NAA25: variants seen among roughly 807,000 people sequenced by gnomAD.
NAA25 encodes the protein N-terminal acetyltransferase B complex subunit NAA25.
NAA25 carries 30 observed loss-of-function variants against 132.5 expected under a neutral mutation model. The ratio of observed to expected loss-of-function variants is 0.23; its 90% CI spans 0.17 to 0.31. NAA25 has a LOEUF of 0.31. Ranked by LOEUF, NAA25 falls within the 10% of genes least tolerant of loss-of-function variation. The probability of loss-of-function intolerance (pLI) is 1.00; values close to 1 mark genes in which losing one functional copy is unlikely to be tolerated. For missense variants in NAA25, 771 were observed against 1,150.4 expected, an observed-to-expected ratio of 0.67 and a Z score of 4.77; for synonymous variants, 359 against 401.9, an observed-to-expected ratio of 0.89 and a Z score of 1.28.
chr12:112,104,325 C>A (rs538030880), intron 1 of NAA25, among the ~76,000 whole-genome samples: 1 of 152,032 alleles, frequency 6.6e-6, no homozygotes, highest in East Asian at 1.9e-4. Flanking sequence ...ATATTCTATA[C>A]AAATTTATTA....
rs763882791 is a variant in NAA25 at position 112,028,786 on chromosome 12, A to G, written c.*745T>C. ...AGAAAGCTAGTCCTCAGCGGGCTTAATAAGTGGTCTGCACTGCTTTCCCCT... is the reference window on the plus strand; with the variant it reads ...AGAAAGCTAGTCCTCAGCGGGCTTAGTAAGTGGTCTGCACTGCTTTCCCCT... On this transcript the variant is annotated 3_prime_UTR_variant, in exon 24 of 24. Coordinates refer to ENST00000261745, the MANE Select transcript of NAA25 (RefSeq NM_024953.4). 1 of 152,180 alleles carries G rather than the reference A, an allele frequency of 6.6e-6. No individual in the cohort carries two copies. Among genetic ancestry groups the G allele is most frequent in the Non-Finnish European group, 1.5e-5 (1 of 68,042 alleles). 9.4% of individuals were successfully genotyped at this position (152,180 alleles called of 1,614,324 possible). A position where few individuals can be genotyped will look rare whatever the true frequency, so the allele number is the denominator to read the frequency against.
intron 3 of NAA25, 88 bp downstream of exon 3, chr12:112,090,638 T>C: frequency 3.7e-6 from 5 of 1,362,134 alleles, no homozygotes; most frequent in South Asian, 1.3e-5. Context: ...ATTCAAATCA[T>C]GAGTGAGAAA....
Position 112,087,808 on chromosome 12 carries a change from T to C in NAA25, c.284-7A>G, listed in dbSNP as rs375123993. ...AGTTTTGTAACTAACTCCGCTAAGA[T>C]AAAGAGAAATAAGATTTAAGTTATA... On this transcript the variant is annotated splice_region_variant and splice_polypyrimidine_tract_variant and intron_variant, in intron 3 of 23. Coordinates refer to ENST00000261745, the MANE Select transcript of NAA25 (RefSeq NM_024953.4). 4.0e-5 allele frequency: 62 copies of C among 1,537,268 alleles called. No homozygotes were observed. Among genetic ancestry groups the C allele is most frequent in the Non-Finnish European group, 5.1e-5 (57 of 1,111,074 alleles).
chr12:112,069,127 A>C, intron 10 of NAA25, 135 bp from the exon 11 acceptor site: 1 of 611,370 alleles, frequency 1.6e-6, no homozygotes, highest in Non-Finnish European at 2.9e-6. Flanking sequence ...ATAGCGGGTT[A>C]TCTCAACTAC....
chr12:112,050,456 T>C (rs906734031), intron 15 of NAA25, among the ~76,000 whole-genome samples: 1 of 152,122 alleles, frequency 6.6e-6, no homozygotes, highest in Non-Finnish European at 1.5e-5. Context: ...TATATGGACA[T>C]AAAACCCCTG....
At chr12:112,058,432 T>C (rs1403496403) in intron 13 of NAA25, among the ~76,000 whole-genome samples, 1 of 152,220 alleles carries the variant, frequency 6.6e-6, no homozygotes, top group Admixed American at 6.5e-5. Flanking sequence ...AACAGCATTA[T>C]AAACTATCCC....
chr12:112,075,480 T>C (rs1297064431), intron 8 of NAA25, among the ~76,000 whole-genome samples, 198 bp downstream of exon 8: 1 of 152,140 alleles, frequency 6.6e-6, no homozygotes, highest in African/African-American at 2.4e-5. Flanking sequence ...TGAGCCACCA[T>C]GCCCAGCCTA....
At chr12:112,093,275 T>A in intron 1 of NAA25, 139 bp from the exon 2 acceptor site, 1 of 522,538 alleles carries the variant, frequency 1.9e-6, no homozygotes, top group Non-Finnish European at 3.4e-6. Flanking sequence ...CGTGGTGGCT[T>A]ACACCTGTAA....
rs1032900693 is a variant in NAA25, at chr12:112,090,805, T to G, written c.204A>C (p.Ala68=). 4.3e-6 allele frequency: 7 copies of G among 1,614,054 alleles called. No homozygotes were observed. Among genetic ancestry groups the G allele is most frequent in the Non-Finnish European group, 5.9e-6 (7 of 1,179,930 alleles). Residue 68 remains alanine, a synonymous_variant, in exon 3 of 24, where the codon GCA becomes GCC. Transcript: ENST00000261745. The part of the protein sequence containing the change: ...TGKQEEAFTL[A]QEVAALEPTD... ...TGGGTTCAAGGGCTGCCACCTCCTG[T>G]GCAAGAGTAAAGGCTTCCTCTTGCT... is the stretch of plus-strand genomic sequence containing the variant.
intron 7 of NAA25, 101 bp downstream of exon 7, chr12:112,078,087 G>A: frequency 1.3e-6 from 1 of 757,976 alleles, no homozygotes; most frequent in South Asian, 1.6e-5. Flanking sequence ...GATCAAAAGT[G>A]TTTATGTCTT....
intron 20 of NAA25, among the ~76,000 whole-genome samples, chr12:112,041,729 A>G (rs1014031211): frequency 6.6e-6 from 1 of 152,188 alleles, no homozygotes; most frequent in African/African-American, 2.4e-5. Context: ...ATACAATACT[A>G]TAGAATATTA....
In NAA25 at chr12:112,071,905, C is replaced by T. The variant is rs1230600794; in HGVS notation, c.1026G>A (p.Glu342=). The change falls in exon 10 of 24, where the codon GAG becomes GAA. Residue 342 remains glutamate (E), a synonymous_variant. Transcript: ENST00000261745. ...RRLRSQGCND[E]YKLGDPEELM... ...ATCATGGTTTCTTACCCAGTTTGTACTCATCGTTACAACCTTGACTTCGTA... is the reference window on the plus strand; with the variant it reads ...ATCATGGTTTCTTACCCAGTTTGTATTCATCGTTACAACCTTGACTTCGTA... 3 of 1,612,074 alleles carry T rather than the reference C, an allele frequency of 1.9e-6. No individual in the cohort carries two copies. Among genetic ancestry groups the T allele is most frequent in the Admixed American group, 1.7e-5 (1 of 59,678 alleles).
Position 112,029,439 on chromosome 12 carries a change from T to G in NAA25, c.*92A>C. On this transcript the variant is annotated 3_prime_UTR_variant, in exon 24 of 24. Coordinates refer to ENST00000261745, the MANE Select transcript of NAA25 (RefSeq NM_024953.4). ...ATGCATTTTATGAGGAAGTTCTGGA[T>G]TAAAATCATGGTCAACCAGATGTTG... is the stretch of plus-strand genomic sequence containing the variant. The G allele has an allele frequency of 1.3e-6, 2 of 1,583,568 alleles. No homozygotes were observed. Among genetic ancestry groups the G allele is most frequent in the Non-Finnish European group, 1.7e-6 (2 of 1,166,826 alleles).
intron 11 of NAA25, 149 bp downstream of exon 11, chr12:112,068,731 C>G (rs1182084399): frequency 2.0e-6 from 1 of 504,444 alleles, no homozygotes; most frequent in African/African-American, 1.9e-5. Flanking sequence ...AGTGTTGTAA[C>G]ACATAGAGTA....
intron 5 of NAA25, among the ~76,000 whole-genome samples, chr12:112,080,554 G>A (rs1483186942): frequency 1.3e-5 from 2 of 151,988 alleles, no homozygotes; most frequent in Non-Finnish European, 2.9e-5. Context: ...AGGCTAGAGT[G>A]CAGTGACATG....
At chr12:112,047,187 A>G (rs1424773215) in intron 17 of NAA25, among the ~76,000 whole-genome samples, 3 of 151,956 alleles carry the variant, frequency 2.0e-5, no homozygotes, top group East Asian at 1.9e-4. Flanking sequence ...ATATTTGTGT[A>G]AAGTGAAGTT....
chr12:112,086,780 G>A (rs2079063640), intron 4 of NAA25, among the ~76,000 whole-genome samples: 2 of 152,052 alleles, frequency 1.3e-5, no homozygotes, highest in South Asian at 2.1e-4. Flanking sequence ...GAGAGGCCGA[G>A]GCGGGCAGAT....
At chr12:112,084,773 C>A (rs961701801) in intron 4 of NAA25, among the ~76,000 whole-genome samples, 25 of 150,322 alleles carry the variant, frequency 1.7e-4, no homozygotes, top group African/African-American at 6.1e-4. Context: ...AGCCTGGAGA[C>A]AGAGCGAGAC....
At chr12:112,063,710 G>A (rs1359610199) in intron 11 of NAA25, among the ~76,000 whole-genome samples, 2 of 151,744 alleles carry the variant, frequency 1.3e-5, no homozygotes, top group Non-Finnish European at 2.9e-5. Flanking sequence ...TACACAGAAG[G>A]GCACCAATAG....
Sources: gnomAD v4.1 joint callset for allele counts (sites outside exome capture counted in the v4.1 genomes callset) on GRCh38, gnomAD v4.1.1 for gene constraint, MANE v1.5 for transcripts, NCBI Gene and HGNC (gene_info 2026-07-23, HGNC 2026-07-21) for gene names.